The following SLC25A26 variants were observed in gnomAD, a reference collection of about 807,000 sequenced individuals.
The protein encoded by SLC25A26 is mitochondrial S-adenosylmethionine carrier protein.
SLC25A26 carries 36 observed loss-of-function variants against 37.8 expected under a neutral mutation model. That is an observed-to-expected ratio of 0.95 (90% CI 0.73 to 1.26). The LOEUF (loss-of-function observed/expected upper bound fraction) is 1.26, where lower values mean the gene tolerates loss of function less well. SLC25A26 is among the 50% of genes most tolerant of loss of function. The pLI, the probability that SLC25A26 is intolerant of heterozygous loss-of-function variation, is 0.00. For missense variants in SLC25A26, 390 were observed against 331.1 expected (o/e 1.18, Z -1.38); for synonymous variants, 129 against 122.5 (o/e 1.05, Z -0.35).
chr3:66,161,018 C>T lies in SLC25A26; in HGVS notation c.-354+27034C>T, dbSNP rs894178273. On this transcript the variant is annotated intron_variant, in intron 1 of 10. Coordinates refer to the SLC25A26 transcript ENST00000676754. ...ATTCAAGAGCTCTTCATTTTCTTTC[C>T]CCTCCTAATTGTTCCCTCTGGCTGT... 2.0e-5 allele frequency among the ~76,000 whole-genome samples: 3 copies of T among 152,054 alleles called. No individual in the cohort carries two copies. The South Asian group carries it at 6.2e-4, about 32-fold the overall frequency.
At chr3:66,136,253 TTCAC>T (rs1467092010) in intron 1 of SLC25A26, among the ~76,000 whole-genome samples, 1 of 152,212 alleles carries the variant, frequency 6.6e-6, no homozygotes, top group African/African-American at 2.4e-5. Context: ...ATTTCGGTGG[TTCAC>T]TCATTAGTAA....
At chr3:66,251,051 G>A (rs1260227837) in intron 3 of SLC25A26, among the ~76,000 whole-genome samples, 1 of 152,118 alleles carries the variant, frequency 6.6e-6, no homozygotes, top group African/African-American at 2.4e-5. Context: ...GGTTTGTTAG[G>A]TGGGTGGGTG....
chr3:66,216,818 A>G (rs2071368851), upstream of SLC25A26, among the ~76,000 whole-genome samples: 2 of 152,198 alleles, frequency 1.3e-5, no homozygotes, highest in Non-Finnish European at 2.9e-5. Flanking sequence ...CATTGCCTGT[A>G]TCTTTTAAAA....
At chr3:66,241,774 G>T (rs2072596177) in intron 2 of SLC25A26, among the ~76,000 whole-genome samples, 1 of 152,158 alleles carries the variant, frequency 6.6e-6, no homozygotes, top group South Asian at 2.1e-4. Flanking sequence ...AGTGGATGTG[G>T]ATGTTTTTGT....
intron 5 of SLC25A26, among the ~76,000 whole-genome samples, chr3:66,318,150 C>A (rs2075591124): frequency 6.6e-6 from 1 of 152,170 alleles, no homozygotes; most frequent in African/African-American, 2.4e-5. Context: ...GCCCCCTTCC[C>A]ATGGGAGTGG....
intron 1 of SLC25A26, among the ~76,000 whole-genome samples, chr3:66,150,633 T>C (rs1329281882): frequency 1.2e-5 from 1 of 86,650 alleles, no homozygotes; most frequent in Admixed American, 1.2e-4. Context: ...TATATATATA[T>C]ATATATATAT....
intron 3 of SLC25A26, among the ~76,000 whole-genome samples, chr3:66,246,652 G>T (rs1194967468): frequency 6.6e-6 from 1 of 152,164 alleles, no homozygotes; most frequent in African/African-American, 2.4e-5. Context: ...AGATACAACA[G>T]ATAAGGACAT....
At chr3:66,244,461 AT>A (rs2072731358) in intron 3 of SLC25A26, among the ~76,000 whole-genome samples, 2 of 152,234 alleles carry the variant, frequency 1.3e-5, no homozygotes, top group Non-Finnish European at 2.9e-5. Flanking sequence ...CAATGACAAG[AT>A]TGGTCTGTTG....
intron 5 of SLC25A26, among the ~76,000 whole-genome samples, chr3:66,314,217 C>T (rs2075465648): frequency 6.6e-6 from 1 of 152,172 alleles, no homozygotes; most frequent in Non-Finnish European, 1.5e-5. Flanking sequence ...GGGAATGCTT[C>T]CACCTTTTGC....
intron 1 of SLC25A26, among the ~76,000 whole-genome samples, chr3:66,194,007 G>T (rs2070995572): frequency 6.6e-6 from 1 of 152,162 alleles, no homozygotes; most frequent in Non-Finnish European, 1.5e-5. Context: ...TCTTCATGAT[G>T]TAACCATAAA....
intron 5 of SLC25A26, among the ~76,000 whole-genome samples, chr3:66,323,108 G>A (rs1274700123): frequency 6.6e-6 from 1 of 151,834 alleles, no homozygotes; most frequent in Non-Finnish European, 1.5e-5. Context: ...TTGTGGAGAT[G>A]CCTCTTTCCT....
chr3:66,198,719 C>T (rs1166744481), intron 1 of SLC25A26, among the ~76,000 whole-genome samples: 3 of 151,730 alleles, frequency 2.0e-5, no homozygotes, highest in Admixed American at 2.0e-4. Context: ...TCACCTTAAC[C>T]TTAACCTGTC....
At chr3:66,187,838 T>A (rs1000561513) in intron 1 of SLC25A26, among the ~76,000 whole-genome samples, 2 of 151,796 alleles carry the variant, frequency 1.3e-5, no homozygotes, top group Non-Finnish European at 2.9e-5. Flanking sequence ...TGACCCTCAA[T>A]CTAATATTAA....
intron 1 of SLC25A26, among the ~76,000 whole-genome samples, chr3:66,139,114 C>G (rs1275813785): frequency 6.7e-6 from 1 of 149,970 alleles, no homozygotes; most frequent in Non-Finnish European, 1.5e-5. Context: ...TTTCAAGATT[C>G]TTATGATTCT....
chr3:66,260,189 T>C (rs2073468974), intron 3 of SLC25A26, among the ~76,000 whole-genome samples: 1 of 152,128 alleles, frequency 6.6e-6, no homozygotes, highest in Non-Finnish European at 1.5e-5. Context: ...TCTTTGTCCA[T>C]GCGCCCCACC....
chr3:66,239,823 T>C (rs1052210420), intron 2 of SLC25A26, among the ~76,000 whole-genome samples: 3 of 133,038 alleles, frequency 2.3e-5, no homozygotes, highest in Non-Finnish European at 5.3e-5. Context: ...TTTCTTTTTT[T>C]TTTTTTTTTT....
intron 5 of SLC25A26, among the ~76,000 whole-genome samples, chr3:66,298,558 C>G (rs6787398): frequency 0.17 from 25,813 of 152,074 alleles, 2,665 homozygotes; most frequent in Non-Finnish European, 0.24. Context: ...AATTAATTTG[C>G]TTGTGAAGAA....
intron 9 of SLC25A26, 31 bp from the exon 10 acceptor site, chr3:66,377,659 A>G: frequency 3.2e-6 from 5 of 1,549,650 alleles, no homozygotes; most frequent in Non-Finnish European, 4.5e-6. Context: ...TAAAATACGC[A>G]CAACATTAAA....
chr3:66,347,536 T>C (rs2076354252), intron 6 of SLC25A26, among the ~76,000 whole-genome samples: 1 of 152,146 alleles, frequency 6.6e-6, no homozygotes, highest in Non-Finnish European at 1.5e-5. Flanking sequence ...GGAATGTAAA[T>C]TAGTTCAACC....
Sources: allele counts gnomAD v4.1 joint callset (sites outside exome capture counted in the v4.1 genomes callset), GRCh38; gene constraint gnomAD v4.1.1; transcripts MANE v1.5; gene names NCBI Gene and HGNC (gene_info 2026-07-23, HGNC 2026-07-21).